Variants in SEH1L observed in about 807,000 individuals in gnomAD.
The protein encoded by SEH1L is nucleoporin SEH1.
In SEH1L, 18 loss-of-function variants were observed where a neutral mutation model predicts 49.5. The ratio of observed to expected loss-of-function variants is 0.36; its 90% CI spans 0.25 to 0.54. SEH1L has a LOEUF of 0.54. Ranked by LOEUF, SEH1L falls within the 20% of genes least tolerant of loss-of-function variation. The pLI is 0.87. For synonymous variants in SEH1L, 169 were observed against 178.1 expected, an observed-to-expected ratio of 0.95 and a Z score of 0.41; for missense variants, 404 against 528.8, an observed-to-expected ratio of 0.76 and a Z score of 2.31.
chr18:12,958,789 T>C (rs537459448), intron 3 of SEH1L, among the ~76,000 whole-genome samples: 13 of 152,382 alleles, frequency 8.5e-5, no homozygotes, highest in African/African-American at 3.1e-4. Context: ...GTGGCTATTG[T>C]GAATACTGCT....
intron 8 of SEH1L, chr18:12,985,398 A>G (rs2032424199): frequency 2.9e-6 from 4 of 1,376,002 alleles, no homozygotes; most frequent in Non-Finnish European, 3.8e-6. Flanking sequence ...AACGCAATCC[A>G]AAAGGCCTTT....
At chr18:12,958,044 CAT>C (rs1376301304) in intron 3 of SEH1L, among the ~76,000 whole-genome samples, 1 of 128,120 alleles carries the variant, frequency 7.8e-6, no homozygotes, top group Non-Finnish European at 1.6e-5. Flanking sequence ...ATATGTATAA[CAT>C]AATATTCCTC....
intron 6 of SEH1L, 140 bp from the exon 7 acceptor site, chr18:12,982,378 C>T: frequency 1.8e-6 from 1 of 565,132 alleles, no homozygotes; most frequent in Non-Finnish European, 3.0e-6. Flanking sequence ...GGCAGATGTG[C>T]ACATTATTAT....
At chr18:12,957,586 ACT>A (rs1351296201) in intron 3 of SEH1L, among the ~76,000 whole-genome samples, 1 of 152,224 alleles carries the variant, frequency 6.6e-6, no homozygotes, top group East Asian at 1.9e-4. Context: ...TATATTTAAG[ACT>A]CTTTCCAGCA....
At position 12,970,984 on chromosome 18, in the gene SEH1L, T is replaced by G. The variant is rs534185610; in HGVS notation, c.522-169T>G. Among the ~76,000 whole-genome samples, 5 of 152,310 alleles carry G rather than the reference T, an allele frequency of 3.3e-5. No homozygotes were observed. In the East Asian group the frequency reaches 9.6e-4, roughly 29 times the overall value. The stretch of plus-strand genomic sequence containing the variant: ...AGTTCCCATGTGTGACATTCTCAGG[T>G]GCATACTTGCAGTGTGGCCATGTCA... On this transcript the variant is annotated intron_variant, in intron 4 of 8. Transcript: ENST00000399892.
chr18:12,956,293 C>T (rs1342936306), intron 3 of SEH1L, among the ~76,000 whole-genome samples: 2 of 151,920 alleles, frequency 1.3e-5, no homozygotes, highest in Admixed American at 6.6e-5. Context: ...ATCTGCCTGT[C>T]GGCCTCCCAA....
At chr18:12,958,773 T>C (rs1568213347) in intron 3 of SEH1L, among the ~76,000 whole-genome samples, 1 of 152,252 alleles carries the variant, frequency 6.6e-6, no homozygotes. Context: ...GGGTTGTTTC[T>C]ACTTCGTGGC....
At chr18:12,962,991 G>A (rs893676100) in intron 3 of SEH1L, among the ~76,000 whole-genome samples, 169 bp from the exon 4 acceptor site, 6 of 151,958 alleles carry the variant, frequency 3.9e-5, no homozygotes, top group African/African-American at 1.5e-4. Context: ...TATATATGTG[G>A]TATTTTGCCA....
chr18:12,986,815 C>CTTTTT, intron 8 of SEH1L, 47 bp from the exon 9 acceptor site: 1 of 1,148,578 alleles, frequency 8.7e-7, no homozygotes. Context: ...TTTTTTTTTC[C>CTTTTT]TGTTTTTGTT....
At chr18:12,961,307 G>A (rs1292175459) in intron 3 of SEH1L, among the ~76,000 whole-genome samples, 1 of 152,172 alleles carries the variant, frequency 6.6e-6, no homozygotes, top group African/African-American at 2.4e-5. Context: ...GGAAGCTGCT[G>A]ATCACCAGTT....
intron 5 of SEH1L, chr18:12,973,180 C>G (rs1446348590): frequency 6.6e-6 from 1 of 151,836 alleles, no homozygotes; most frequent in Non-Finnish European, 1.5e-5. Context: ...TTCACTCCAG[C>G]AGTGTCAAAA....
rs769274336 is a variant in SEH1L, at chr18:12,963,134, T to G, written c.310-26T>G. On this transcript the variant is annotated intron_variant, in intron 3 of 8. Coordinates refer to ENST00000399892, the MANE Select transcript of SEH1L (RefSeq NM_001013437.2). ...ACCATGCTTTCTTTTTGTATATAAT[T>G]TAAATTGTTATTATTTTTTTTTTAG... 3 of 1,526,456 alleles carry G rather than the reference T, an allele frequency of 2.0e-6. No homozygotes were observed. In the South Asian group the frequency reaches 3.6e-5, roughly 18 times the overall value. 94.6% of individuals were successfully genotyped at this position (1,526,456 alleles called of 1,614,324 possible).
intron 5 of SEH1L, chr18:12,972,521 G>A (rs907784211): frequency 3.3e-5 from 5 of 152,244 alleles, no homozygotes; most frequent in African/African-American, 1.2e-4. Context: ...CAGGTGATCA[G>A]ATGGGCTTCG....
At position 12,986,960 on chromosome 18, in the gene SEH1L, C is replaced by T. The variant is rs1399045140; in HGVS notation, c.1169C>T (p.Ser390Phe). ...PPPPPPLVEH[S>F]CDADTANLQY... ...CCTCCTCCTCCTCTGGTAGAGCACT[C>T]TTGCGATGCTGACACTGCCAACCTC... The change falls in exon 9 of 9, where the codon TCT (serine) becomes TTT (phenylalanine). Residue 390 changes from serine (S) to phenylalanine (F), a missense_variant. Ser to Phe is a radical substitution (Grantham distance 155, BLOSUM62 -2). This residue lies in a region of SEH1L where 342 missense variants were observed against 430.8 expected (regional missense o/e 0.79). Coordinates refer to ENST00000399892, the MANE Select transcript of SEH1L (RefSeq NM_001013437.2). 6.2e-7 allele frequency: 1 copy of T among 1,613,922 alleles called. No homozygotes were observed. Among genetic ancestry groups the T allele is most frequent in the Admixed American group, 1.7e-5 (1 of 59,986 alleles).
At chr18:12,968,588 CT>C (rs764410193) in intron 4 of SEH1L, among the ~76,000 whole-genome samples, 139 of 152,286 alleles carry the variant, frequency 9.1e-4, no homozygotes, top group Non-Finnish European at 1.7e-3. Context: ...GTGATACGGA[CT>C]CTTTTTTCCT....
At chr18:12,953,434 G>A (rs934918351) in intron 2 of SEH1L, among the ~76,000 whole-genome samples, 1 of 152,208 alleles carries the variant, frequency 6.6e-6, no homozygotes, top group South Asian at 2.1e-4. Context: ...CTCTTCCAAA[G>A]TGGCTGTGCC....
intron 5 of SEH1L, chr18:12,972,029 T>C (rs2031727360): frequency 6.6e-6 from 1 of 152,242 alleles, no homozygotes; most frequent in Non-Finnish European, 1.5e-5. Flanking sequence ...TTACAGGTGA[T>C]GTGAATAGGG....
chr18:12,950,744 T>C (rs1364278343), intron 1 of SEH1L, among the ~76,000 whole-genome samples: 1 of 152,248 alleles, frequency 6.6e-6, no homozygotes, highest in Non-Finnish European at 1.5e-5. Flanking sequence ...TTGATAGTGT[T>C]ATTGCCCTCG....
chr18:12,984,153 AG>A lies in SEH1L; in HGVS notation c.1034del (p.Ser345IlefsTer6). The A allele has an allele frequency of 6.2e-7, 1 of 1,613,980 alleles. No homozygotes were observed. The highest frequency in any genetic ancestry group is 1.7e-5 in the Admixed American group (1 of 60,024). ...TCCTTCCCTAGGTTCAACTATTCCAAGTCTTCAGAATTCATTAAATGGATCT... is the reference window on the plus strand; with the variant it reads ...TCCTTCCCTAGGTTCAACTATTCCAATCTTCAGAATTCATTAAATGGATCT... ...SNPSLGSTIP[S>X]LQNSLNGSSA... is the part of the protein sequence containing the mutation. On this transcript the variant is annotated frameshift_variant, in exon 8 of 9. Coordinates refer to ENST00000399892, the MANE Select transcript of SEH1L (RefSeq NM_001013437.2). LOFTEE classifies it high-confidence loss of function.
Sources: gnomAD v4.1 joint callset for allele counts (sites outside exome capture counted in the v4.1 genomes callset) on GRCh38, gnomAD v4.1.1 for gene constraint, gnomAD v4.1.1 regional missense constraint, MANE v1.5 for transcripts, NCBI Gene and HGNC (gene_info 2026-07-23, HGNC 2026-07-21) for gene names.